Variants in CHST9 observed in about 807,000 individuals in gnomAD.
The protein encoded by CHST9 is carbohydrate sulfotransferase 9.
Under a neutral mutation model 44.4 loss-of-function variants are expected in CHST9, and 41 were observed. The observed-to-expected ratio is 0.92, with a 90% confidence interval of 0.72 to 1.20. The LOEUF (loss-of-function observed/expected upper bound fraction) is 1.20. Among genes scored for constraint, CHST9 ranks in the 50% most tolerant of loss-of-function variants. CHST9 has a pLI of 0.00. For missense variants in CHST9, 504 were observed against 516.5 expected, an observed-to-expected ratio of 0.98 and a Z score of 0.23; for synonymous variants, 171 against 178.4, an observed-to-expected ratio of 0.96 and a Z score of 0.33.
At chr18:27,024,072 TCTATAA>T (rs746996495) in intron 4 of CHST9, 38 bp downstream of exon 4, 8 of 1,585,880 alleles carry the variant, frequency 5.0e-6, no homozygotes, top group Non-Finnish European at 6.1e-6. Context: ...GCTCTGCTTA[TCTATAA>T]CTACCCAAGA....
chr18:27,121,353 A>T (rs1007236059), intron 2 of CHST9, among the ~76,000 whole-genome samples: 3 of 152,056 alleles, frequency 2.0e-5, no homozygotes, highest in African/African-American at 7.2e-5. Context: ...GGTGTACCAC[A>T]TGCCTATTTT....
intron 1 of CHST9, among the ~76,000 whole-genome samples, chr18:27,159,266 A>G (rs1276220711): frequency 1.3e-5 from 2 of 152,174 alleles, no homozygotes; most frequent in African/African-American, 4.8e-5. Context: ...TCTTTAATCC[A>G]TCTTGAATTA....
intron 1 of CHST9, among the ~76,000 whole-genome samples, chr18:27,158,155 C>G (rs978026938): frequency 1.3e-5 from 2 of 151,990 alleles, no homozygotes; most frequent in Non-Finnish European, 2.9e-5. Flanking sequence ...GCACAACGTG[C>G]AGGTTAGTTA....
intron 4 of CHST9, among the ~76,000 whole-genome samples, chr18:26,999,654 T>C (rs1334296020): frequency 6.6e-6 from 1 of 152,164 alleles, no homozygotes; most frequent in Non-Finnish European, 1.5e-5. Flanking sequence ...AGAATTTCAC[T>C]ATATTATATA....
At chr18:27,121,711 A>G (rs1192968769) in intron 2 of CHST9, among the ~76,000 whole-genome samples, 1 of 152,198 alleles carries the variant, frequency 6.6e-6, no homozygotes, top group Non-Finnish European at 1.5e-5. Context: ...AGGAAAGTAG[A>G]GTCAAGAGAA....
chr18:27,078,026 C>G (rs1361272776), intron 2 of CHST9, among the ~76,000 whole-genome samples: 3 of 152,064 alleles, frequency 2.0e-5, no homozygotes. Context: ...TGTGAGAACT[C>G]TATCACAACA....
chr18:27,158,226 T>G (rs1304502820), intron 1 of CHST9, among the ~76,000 whole-genome samples: 1 of 152,126 alleles, frequency 6.6e-6, no homozygotes. Flanking sequence ...TTAACATTAG[T>G]TATATCTCCC....
At chr18:27,158,875 ATG>A (rs1325074544) in intron 1 of CHST9, among the ~76,000 whole-genome samples, 2 of 152,050 alleles carry the variant, frequency 1.3e-5, no homozygotes, top group African/African-American at 2.4e-5. Context: ...GCATTTTTTC[ATG>A]TGTCTTTTGG....
chr18:27,048,757 T>C (rs945815395), intron 2 of CHST9, among the ~76,000 whole-genome samples: 3 of 152,174 alleles, frequency 2.0e-5, no homozygotes, highest in African/African-American at 7.2e-5. Context: ...CAGAGTCGTT[T>C]ACTCAACAAT....
At chr18:27,001,560 G>A (rs1027865654) in intron 4 of CHST9, among the ~76,000 whole-genome samples, 1 of 152,144 alleles carries the variant, frequency 6.6e-6, no homozygotes, top group Non-Finnish European at 1.5e-5. Flanking sequence ...CTAGGTTGGA[G>A]GCTAGTTGGC....
intron 1 of CHST9, among the ~76,000 whole-genome samples, chr18:27,171,424 G>C (rs1056464780): frequency 1.6e-4 from 25 of 152,098 alleles, no homozygotes; most frequent in Admixed American, 6.5e-4. Flanking sequence ...GGAGTGAAAA[G>C]ACTGGTTTTG....
At chr18:26,952,187 A>G in intron 4 of CHST9, 1 of 524,394 alleles carries the variant, frequency 1.9e-6, no homozygotes, top group South Asian at 1.4e-5. Context: ...GATGGACTTC[A>G]CCTCCCAAAA....
At chr18:27,172,073 C>T (rs2058837636) in intron 1 of CHST9, among the ~76,000 whole-genome samples, 2 of 152,244 alleles carry the variant, frequency 1.3e-5, no homozygotes, top group African/African-American at 4.8e-5. Context: ...CAGTCTTTTA[C>T]ACGGATTTAT....
chr18:27,179,931 C>A (rs967672432), intron 1 of CHST9, among the ~76,000 whole-genome samples: 1 of 152,014 alleles, frequency 6.6e-6, no homozygotes, highest in Non-Finnish European at 1.5e-5. Flanking sequence ...ATAGAATTAA[C>A]ATTAGTTAAC....
At chr18:27,028,975 T>G (rs62082102) in intron 3 of CHST9, among the ~76,000 whole-genome samples, 57,585 of 151,850 alleles carry the variant, frequency 0.38, 11,540 homozygotes, top group Admixed American at 0.46. Context: ...AGTTTAGGTA[T>G]CCTATCCAAG....
intron 4 of CHST9, among the ~76,000 whole-genome samples, chr18:26,960,961 ATAT>A (rs2056391114): frequency 6.6e-6 from 1 of 152,252 alleles, no homozygotes; most frequent in African/African-American, 2.4e-5. Context: ...GAATAAAAGA[ATAT>A]TATAGCAATG....
intron 2 of CHST9, among the ~76,000 whole-genome samples, chr18:27,116,248 T>C (rs1442327324): frequency 6.6e-6 from 1 of 152,228 alleles, no homozygotes; most frequent in Non-Finnish European, 1.5e-5. Flanking sequence ...AAGAGTTTTA[T>C]AGTTTAGGCT....
chr18:27,080,913 C>T (rs570668787), intron 2 of CHST9, among the ~76,000 whole-genome samples: 3 of 148,868 alleles, frequency 2.0e-5, no homozygotes, highest in African/African-American at 7.5e-5. Flanking sequence ...GAATTTAAGG[C>T]AACAGCTCAC....
At chr18:27,166,224 C>T (rs2058789055) in intron 1 of CHST9, among the ~76,000 whole-genome samples, 3 of 152,238 alleles carry the variant, frequency 2.0e-5, no homozygotes, top group South Asian at 4.1e-4. Context: ...TCAATGCCTA[C>T]TAGACATTTT....
Sources: gnomAD v4.1 joint callset for allele counts (sites outside exome capture counted in the v4.1 genomes callset) on GRCh38, gnomAD v4.1.1 for gene constraint, MANE v1.5 for transcripts, NCBI Gene and HGNC (gene_info 2026-07-23, HGNC 2026-07-21) for gene names.